The following PCBD2 variants were observed in gnomAD, a reference collection of about 807,000 sequenced individuals.
The protein encoded by PCBD2 is pterin-4-alpha-carbinolamine dehydratase 2.
In PCBD2, 12 loss-of-function variants were observed where a neutral mutation model predicts 16.4. The ratio of observed to expected loss-of-function variants is 0.73; its 90% confidence interval spans 0.47 to 1.19. The LOEUF is 1.19. Among genes scored for constraint, PCBD2 ranks in the 50% most tolerant of loss-of-function variants. The probability of loss-of-function intolerance (pLI) is 0.00; values close to 1 mark genes in which losing one functional copy is unlikely to be tolerated. For synonymous variants in PCBD2, 58 were observed against 61.8 expected, an observed-to-expected ratio of 0.94 and a Z score of 0.29; for missense variants, 138 against 156.8, an observed-to-expected ratio of 0.88 and a Z score of 0.64.
intron 2 of PCBD2, among the ~76,000 whole-genome samples, chr5:134,919,622 A>G (rs1439516795): frequency 2.0e-5 from 3 of 152,226 alleles, no homozygotes; most frequent in Non-Finnish European, 4.4e-5. Context: ...CAAGAAAATA[A>G]CACCCAAAAC....
In PCBD2 at chr5:134,962,383, T is replaced by G. The variant is rs536321478; in HGVS notation, c.*1702T>G. Reference sequence around the variant, plus strand: ...TGTTGGGATTACAGGTGTGAGCCACTGTGTCATAACAATTATTTTAAAATT... The same window carrying G: ...TGTTGGGATTACAGGTGTGAGCCACGGTGTCATAACAATTATTTTAAAATT... On this transcript the variant is annotated 3_prime_UTR_variant, in exon 4 of 4. Coordinates refer to ENST00000254908, the MANE Select transcript of PCBD2 (RefSeq NM_032151.5). 6.6e-6 allele frequency among the ~76,000 whole-genome samples: 1 copy of G among 152,220 alleles called. No homozygotes were observed. Among genetic ancestry groups the G allele is most frequent in the South Asian group, 2.1e-4 (1 of 4,820 alleles).
chr5:134,929,396 G>A (rs1451161555), intron 2 of PCBD2, among the ~76,000 whole-genome samples: 4 of 149,102 alleles, frequency 2.7e-5, no homozygotes, highest in Admixed American at 2.0e-4. Flanking sequence ...TCATGTCACA[G>A]AATCCAAAAG....
chr5:134,914,960 A>C (rs1030329287), intron 2 of PCBD2, among the ~76,000 whole-genome samples: 1 of 152,196 alleles, frequency 6.6e-6, no homozygotes, highest in African/African-American at 2.4e-5. Flanking sequence ...GGCATGAGCC[A>C]CTGCACCCAG....
intron 2 of PCBD2, among the ~76,000 whole-genome samples, chr5:134,952,193 G>A (rs974782908): frequency 6.6e-6 from 1 of 150,488 alleles, no homozygotes; most frequent in Non-Finnish European, 1.5e-5. Context: ...ACTTTAATGG[G>A]AATTCTAGCA....
intron 2 of PCBD2, among the ~76,000 whole-genome samples, chr5:134,918,659 C>T (rs1164702772): frequency 6.6e-6 from 1 of 152,202 alleles, no homozygotes; most frequent in East Asian, 1.9e-4. Context: ...GTAACCACAG[C>T]AGACTAGAAA....
chr5:134,957,703 A>C (rs1751429580), intron 2 of PCBD2, among the ~76,000 whole-genome samples: 1 of 152,320 alleles, frequency 6.6e-6, no homozygotes, highest in Admixed American at 6.5e-5. Flanking sequence ...TATAAAAATA[A>C]AAAACAGGCT....
chr5:134,948,118 A>G (rs1163682291), intron 2 of PCBD2, among the ~76,000 whole-genome samples: 3 of 152,196 alleles, frequency 2.0e-5, no homozygotes, highest in African/African-American at 7.2e-5. Flanking sequence ...TTGCTTTAGG[A>G]GAAAAGAATG....
intron 2 of PCBD2, chr5:134,924,545 T>C (rs2149532992): frequency 2.5e-6 from 1 of 398,538 alleles, no homozygotes; most frequent in East Asian, 3.6e-5. Context: ...ATCCTATTGG[T>C]GCGGGGGCTT....
intron 2 of PCBD2, among the ~76,000 whole-genome samples, chr5:134,946,026 A>G (rs543047460): frequency 3.3e-5 from 5 of 152,054 alleles, no homozygotes; most frequent in Non-Finnish European, 5.9e-5. Flanking sequence ...CTTTGTGGCT[A>G]TAAGCCCTGG....
intron 2 of PCBD2, among the ~76,000 whole-genome samples, chr5:134,936,503 A>G (rs1422781): frequency 0.64 from 97,753 of 152,178 alleles, 32,285 homozygotes; most frequent in African/African-American, 0.8. Context: ...GCTTTCAGGA[A>G]CAGACTGTTG....
chr5:134,953,544 C>T (rs748754623), intron 2 of PCBD2, among the ~76,000 whole-genome samples: 8 of 152,062 alleles, frequency 5.3e-5, no homozygotes, highest in Non-Finnish European at 7.4e-5. Flanking sequence ...CCTGTAATCG[C>T]GGCACTTTGG....
At chr5:134,907,896 A>G (rs948478100) in intron 1 of PCBD2, among the ~76,000 whole-genome samples, 1 of 149,080 alleles carries the variant, frequency 6.7e-6, no homozygotes, top group African/African-American at 2.5e-5. Context: ...TGCTGGGATT[A>G]CAGGTGTGAG....
At chr5:134,956,666 G>A (rs1464549301) in intron 2 of PCBD2, among the ~76,000 whole-genome samples, 1 of 152,142 alleles carries the variant, frequency 6.6e-6, no homozygotes, top group African/African-American at 2.4e-5. Flanking sequence ...TTATCTGTTC[G>A]TTTGCTCTAC....
chr5:134,952,494 A>G (rs1481278012), intron 2 of PCBD2, among the ~76,000 whole-genome samples: 1 of 152,158 alleles, frequency 6.6e-6, no homozygotes, highest in Non-Finnish European at 1.5e-5. Flanking sequence ...TTAATCTGTC[A>G]TGGGTTAAGA....
chr5:134,934,236 C>G, intron 2 of PCBD2, among the ~76,000 whole-genome samples: 1 of 151,896 alleles, frequency 6.6e-6, no homozygotes, highest in East Asian at 1.9e-4. Flanking sequence ...TGCTGGTTCT[C>G]AAACTCAGAA....
intron 2 of PCBD2, among the ~76,000 whole-genome samples, chr5:134,940,552 G>A (rs1487591479): frequency 6.6e-6 from 1 of 152,164 alleles, no homozygotes; most frequent in Non-Finnish European, 1.5e-5. Context: ...GGTGCTTGAG[G>A]TAAGATTAGG....
intron 2 of PCBD2, among the ~76,000 whole-genome samples, chr5:134,914,201 A>T (rs1033140796): frequency 6.6e-6 from 1 of 152,112 alleles, no homozygotes; most frequent in Non-Finnish European, 1.5e-5. Flanking sequence ...AGGCCGTTAC[A>T]TTCATCCTGG....
intron 2 of PCBD2, among the ~76,000 whole-genome samples, chr5:134,913,649 T>C (rs1750795356): frequency 6.6e-6 from 1 of 152,288 alleles, no homozygotes; most frequent in Non-Finnish European, 1.5e-5. Context: ...ACCCTGGCTG[T>C]TCTGCTCAGA....
chr5:134,908,770 T>C (rs1264163202), intron 1 of PCBD2: 1 of 152,330 alleles, frequency 6.6e-6, no homozygotes, highest in African/African-American at 2.4e-5. Context: ...TTTATTAGTA[T>C]TTTTTTCTTC....
Sources: allele counts gnomAD v4.1 joint callset (sites outside exome capture counted in the v4.1 genomes callset), GRCh38; gene constraint gnomAD v4.1.1; transcripts MANE v1.5; gene names NCBI Gene and HGNC (gene_info 2026-07-23, HGNC 2026-07-21).